ELMO1: variants seen among roughly 807,000 people sequenced by gnomAD.
ELMO1 encodes engulfment and cell motility protein 1.
In ELMO1, 26 loss-of-function variants were observed where a neutral mutation model predicts 98.9. That is an observed-to-expected ratio of 0.26 (90% CI 0.19 to 0.36). ELMO1 has a LOEUF of 0.36. Ranked by LOEUF, ELMO1 falls within the 10% of genes least tolerant of loss-of-function variation. The pLI is 1.00. For synonymous variants in ELMO1, 346 were observed against 346.0 expected (o/e 1.00, Z 0.00); for missense variants, 627 against 935.2 (o/e 0.67, Z 4.30).
chr7:37,115,796 A>G (rs1785550081), intron 14 of ELMO1, among the ~76,000 whole-genome samples: 1 of 152,176 alleles, frequency 6.6e-6, no homozygotes, highest in South Asian at 2.1e-4. Context: ...GAGGAAACAA[A>G]ACTGTCTTTG....
intron 1 of ELMO1, among the ~76,000 whole-genome samples, chr7:37,420,240 G>A (rs747542513): frequency 6.6e-6 from 1 of 152,184 alleles, no homozygotes; most frequent in Non-Finnish European, 1.5e-5. Flanking sequence ...TCAACAGCAC[G>A]AAGTGCTCCA....
At chr7:37,019,122 G>A (rs992035665) in intron 15 of ELMO1, among the ~76,000 whole-genome samples, 1 of 152,210 alleles carries the variant, frequency 6.6e-6, no homozygotes, top group African/African-American at 2.4e-5. Context: ...AACGACAAAG[G>A]TCCTATTATT....
Position 37,003,427 on chromosome 7 carries a change from G to A in ELMO1, c.1437+9872C>T, listed in dbSNP as rs184268312. ...CCACTGCCAAATGTAGCCTTACTTT[G>A]ATATCTTCTTCTGGCCTCTCAACCT... On this transcript the variant is annotated intron_variant, in intron 16 of 21. Transcript: ENST00000310758. Among the ~76,000 whole-genome samples, 693 of 152,320 alleles carry A rather than the reference G, an allele frequency of 4.5e-3. 2 individuals carry two copies. Among genetic ancestry groups the A allele is most frequent in the Middle Eastern group, 0.024 (7 of 294 alleles).
intron 8 of ELMO1, among the ~76,000 whole-genome samples, chr7:37,227,010 TATTCCAA>T (rs1476876002): frequency 6.6e-6 from 1 of 152,198 alleles, no homozygotes; most frequent in East Asian, 1.9e-4. Flanking sequence ...ACCATTTGGA[TATTCCAA>T]AAAAGCCAAA....
chr7:36,977,150 T>C (rs994730141), intron 16 of ELMO1, among the ~76,000 whole-genome samples: 11 of 152,256 alleles, frequency 7.2e-5, no homozygotes, highest in Non-Finnish European at 1.0e-4. Context: ...GGAGTCTCCC[T>C]GAGTCTGGCC....
chr7:37,105,898 C>T (rs1273245074), intron 14 of ELMO1, among the ~76,000 whole-genome samples: 4 of 152,058 alleles, frequency 2.6e-5, no homozygotes, highest in African/African-American at 4.8e-5. Flanking sequence ...CACTGCTTAG[C>T]GGGTATGGGG....
At chr7:36,949,062 G>A (rs1391240359) in intron 16 of ELMO1, among the ~76,000 whole-genome samples, 1 of 152,050 alleles carries the variant, frequency 6.6e-6, no homozygotes, top group Non-Finnish European at 1.5e-5. Context: ...CACCATGTTG[G>A]TCAGGCTGGT....
intron 13 of ELMO1, among the ~76,000 whole-genome samples, chr7:37,171,197 A>T (rs1272208523): frequency 6.6e-6 from 1 of 152,082 alleles, no homozygotes; most frequent in African/African-American, 2.4e-5. Flanking sequence ...TTAAGTCCAG[A>T]AGAGTTCTTT....
intron 16 of ELMO1, among the ~76,000 whole-genome samples, chr7:36,948,515 T>C (rs1204598276): frequency 1.3e-5 from 2 of 152,236 alleles, no homozygotes; most frequent in Non-Finnish European, 2.9e-5. Flanking sequence ...TTAAATCAAC[T>C]GTATAAAATC....
At chr7:37,298,292 T>G (rs562153752) in intron 4 of ELMO1, among the ~76,000 whole-genome samples, 47 of 92,532 alleles carry the variant, frequency 5.1e-4, no homozygotes, top group African/African-American at 1.8e-3. Flanking sequence ...TTTTTGTTTT[T>G]TTTTTTTAAG....
intron 2 of ELMO1, among the ~76,000 whole-genome samples, chr7:37,339,989 T>C (rs926230201): frequency 5.3e-5 from 8 of 152,166 alleles, no homozygotes; most frequent in Non-Finnish European, 7.3e-5. Flanking sequence ...AGCTGTCCTG[T>C]ACTCTACAAA....
chr7:36,959,285 A>G (rs1371885555), intron 16 of ELMO1, among the ~76,000 whole-genome samples: 2 of 150,108 alleles, frequency 1.3e-5, no homozygotes, highest in Non-Finnish European at 3.0e-5. Context: ...TCATTCCCCT[A>G]CAGTCTCAGT....
intron 2 of ELMO1, among the ~76,000 whole-genome samples, chr7:37,322,657 G>C (rs1025361187): frequency 2.0e-5 from 3 of 151,236 alleles, no homozygotes; most frequent in African/African-American, 7.3e-5. Context: ...ACAAAAATTA[G>C]CCAGGCACGG....
intron 19 of ELMO1, among the ~76,000 whole-genome samples, chr7:36,875,812 G>A (rs1803913973): frequency 6.6e-6 from 1 of 152,206 alleles, no homozygotes; most frequent in Admixed American, 6.5e-5. Context: ...ACAAGGCTTT[G>A]TTGCTGTGGC....
At chr7:37,401,841 A>G (rs775118177) in intron 1 of ELMO1, among the ~76,000 whole-genome samples, 2 of 151,940 alleles carry the variant, frequency 1.3e-5, no homozygotes, top group Non-Finnish European at 2.9e-5. Flanking sequence ...TATGAGAGAG[A>G]CTCCTTCCCT....
chr7:36,914,949 A>G (rs1332895177), intron 16 of ELMO1, among the ~76,000 whole-genome samples: 1 of 152,164 alleles, frequency 6.6e-6, no homozygotes, highest in Non-Finnish European at 1.5e-5. Context: ...TTCATTTAGC[A>G]AAGCAGTTTT....
rs1793652744 is a variant in ELMO1 at position 37,222,496 on chromosome 7, C to T, written c.780+119G>A. On this transcript the variant is annotated intron_variant, in intron 10 of 21. Transcript: ENST00000310758. ...CGGAACATAGCTGCTCTGGAGAGTCCATCTGTGGCCAGGATAGCAGAGAGG... is the reference window on the plus strand; with the variant it reads ...CGGAACATAGCTGCTCTGGAGAGTCTATCTGTGGCCAGGATAGCAGAGAGG... 8 of 974,842 alleles carry T rather than the reference C, an allele frequency of 8.2e-6. No individual in the cohort carries two copies. The South Asian group carries it at 1.1e-4, about 13-fold the overall frequency. The allele number at this position is 974,842 out of a possible 1,614,324, so 60.4% of individuals were successfully genotyped here.
chr7:37,322,526 C>G (rs888943111), intron 2 of ELMO1, among the ~76,000 whole-genome samples: 3 of 150,390 alleles, frequency 2.0e-5, no homozygotes, highest in Admixed American at 6.6e-5. Context: ...CTGAGGCAGG[C>G]AGAAAAATCG....
intron 15 of ELMO1, among the ~76,000 whole-genome samples, chr7:37,028,917 T>C (rs1162704477): frequency 6.6e-6 from 1 of 152,246 alleles, no homozygotes; most frequent in African/African-American, 2.4e-5. Flanking sequence ...TGCATTTATA[T>C]AGTGCTTAAT....
Sources: allele counts gnomAD v4.1 joint callset (sites outside exome capture counted in the v4.1 genomes callset), GRCh38; gene constraint gnomAD v4.1.1; transcripts MANE v1.5; gene names NCBI Gene and HGNC (gene_info 2026-07-23, HGNC 2026-07-21).